The following RAE1 variants were observed in gnomAD, a reference collection of about 807,000 sequenced individuals.
RAE1 encodes the protein mRNA export factor RAE1.
In RAE1, 13 loss-of-function variants were observed where a neutral mutation model predicts 52.7. The ratio of observed to expected loss-of-function variants is 0.25; its 90% confidence interval spans 0.16 to 0.39. The LOEUF (loss-of-function observed/expected upper bound fraction) is 0.39, where lower values mean the gene tolerates loss of function less well. RAE1 is among the 10% of genes least tolerant of loss of function. The probability of loss-of-function intolerance (pLI) is 1.00; values close to 1 mark genes in which losing one functional copy is unlikely to be tolerated. For missense variants in RAE1, 262 were observed against 459.8 expected, an observed-to-expected ratio of 0.57 and a Z score of 3.93; for synonymous variants, 164 against 153.1, an observed-to-expected ratio of 1.07 and a Z score of -0.52.
chr20:57,362,567 T>C (rs1215207151), intron 4 of RAE1, among the ~76,000 whole-genome samples: 1 of 152,230 alleles, frequency 6.6e-6, no homozygotes, highest in Non-Finnish European at 1.5e-5. Context: ...GCAGGAATCC[T>C]TTTGCTCAAA....
intron 8 of RAE1, 74 bp downstream of exon 8, chr20:57,368,886 A>G (rs1443605759): frequency 1.5e-5 from 18 of 1,233,114 alleles, no homozygotes; most frequent in Non-Finnish European, 2.1e-5. Context: ...CATCTGGAAT[A>G]CAGTTGTACT....
intron 8 of RAE1, chr20:57,373,142 C>G (rs574661331): frequency 7.5e-5 from 24 of 321,790 alleles, no homozygotes; most frequent in Non-Finnish European, 1.2e-4. Context: ...GTCTGCCTAG[C>G]CAGGGACGTC....
At chr20:57,375,096 AG>A in intron 11 of RAE1, 1 of 675,616 alleles carries the variant, frequency 1.5e-6, no homozygotes, top group Non-Finnish European at 2.7e-6. Context: ...CACTTTATGA[AG>A]GGGGTGGCAG....
intron 11 of RAE1, among the ~76,000 whole-genome samples, chr20:57,377,349 A>G (rs1234589214): frequency 2.6e-5 from 4 of 152,124 alleles, no homozygotes; most frequent in Admixed American, 2.6e-4. Flanking sequence ...CTTAAAACTT[A>G]AATGTGATCA....
intron 4 of RAE1, chr20:57,358,185 CG>C (rs2066824938): frequency 6.6e-6 from 1 of 152,052 alleles, no homozygotes; most frequent in Non-Finnish European, 1.5e-5. Flanking sequence ...TGTTAAGGGC[CG>C]CGAGGGTTCT....
chr20:57,361,694 C>T (rs2066894374), intron 4 of RAE1, among the ~76,000 whole-genome samples: 1 of 152,184 alleles, frequency 6.6e-6, no homozygotes, highest in Non-Finnish European at 1.5e-5. Flanking sequence ...CATGCTGAGT[C>T]ACAGCATCCC....
At chr20:57,373,775 T>A (rs1165647740) in intron 10 of RAE1, 37 bp downstream of exon 10, 3 of 1,582,616 alleles carry the variant, frequency 1.9e-6, no homozygotes, top group Non-Finnish European at 2.6e-6. Flanking sequence ...GTAATACATC[T>A]GGAAACCAGA....
In RAE1 at chr20:57,372,060, T is replaced by C. The variant is rs1310675786; in HGVS notation, c.643-1415T>C. 10 of 151,626 alleles carry C rather than the reference T, an allele frequency of 6.6e-5. No individual in the cohort carries two copies. The East Asian group carries it at 1.5e-3, about 23-fold the overall frequency. 9.4% of individuals were successfully genotyped at this position (151,626 alleles called of 1,614,324 possible). A position where few individuals can be genotyped will look rare whatever the true frequency, so the allele number is the denominator to read the frequency against. The stretch of plus-strand genomic sequence containing the variant: ...ACTTAATCAATGGGATGAAATTTCA[T>C]TAAACAAGATGAGAATGTTCTAGAG... On this transcript the variant is annotated intron_variant, in intron 8 of 11. Transcript: ENST00000395841.
rs754518697 is a variant in RAE1 at position 57,356,505 on chromosome 20, C to T, written c.255C>T (p.His85=). 3 of 1,613,396 alleles carry T rather than the reference C, an allele frequency of 1.9e-6. No individual in the cohort carries two copies. The highest frequency in any genetic ancestry group is 2.2e-5 in the South Asian group (2 of 90,946). ...CCATTCCAAAAGCCCAGCAGATGCACACTGGGCCTGTGCTTGATGTCTGCT... is the reference window on the plus strand; with the variant it reads ...CCATTCCAAAAGCCCAGCAGATGCATACTGGGCCTGTGCTTGATGTCTGCT... The part of the protein sequence containing the change: ...GQTIPKAQQM[H]TGPVLDVCWS... The change falls in exon 4 of 12, where the codon CAC becomes CAT. Residue 85 remains histidine (H), a synonymous_variant. Coordinates refer to ENST00000395841, the MANE Select transcript of RAE1 (RefSeq NM_003610.4).
chr20:57,367,138 C>T (rs927678400), intron 7 of RAE1, 59 bp downstream of exon 7: 59 of 1,392,324 alleles, frequency 4.2e-5, no homozygotes, highest in African/African-American at 1.5e-5. Flanking sequence ...TAAGTATTCT[C>T]ACCTTGTGGC....
chr20:57,362,678 G>A (rs192284830), intron 4 of RAE1, among the ~76,000 whole-genome samples: 3 of 152,310 alleles, frequency 2.0e-5, no homozygotes, highest in Non-Finnish European at 4.4e-5. Context: ...GTTCTGACGG[G>A]GAGGCAGGAT....
rs749105369 is a variant in RAE1 at position 57,378,372 on chromosome 20, C to T, written c.*273C>T. The T allele has an allele frequency of 9.8e-5, 40 of 408,378 alleles. No homozygotes were observed. Among genetic ancestry groups the T allele is most frequent in the Admixed American group, 3.5e-4 (9 of 25,494 alleles). The allele number at this position is 408,378 out of a possible 1,614,324, so 25.3% of individuals were successfully genotyped here. A position where few individuals can be genotyped will look rare whatever the true frequency, so the allele number is the denominator to read the frequency against. The stretch of plus-strand genomic sequence containing the variant: ...GCGGGCACCGCCAGGGATTTTGCAG[C>T]GCTTCAGTGTACGTGTTAGAGAATA... On this transcript the variant is annotated 3_prime_UTR_variant, in exon 12 of 12. Coordinates refer to ENST00000395841, the MANE Select transcript of RAE1 (RefSeq NM_003610.4).
intron 8 of RAE1, 78 bp downstream of exon 8, chr20:57,368,890 T>A: frequency 3.4e-6 from 4 of 1,179,886 alleles, no homozygotes; most frequent in African/African-American, 1.5e-5. Context: ...TGGAATACAG[T>A]TGTACTTTGT....
At chr20:57,365,232 A>T in intron 4 of RAE1, 124 bp from the exon 5 acceptor site, 1 of 621,412 alleles carries the variant, frequency 1.6e-6, no homozygotes, top group East Asian at 3.1e-5. Flanking sequence ...ACTGGTCCCC[A>T]AACAATTGGA....
chr20:57,356,589 A>T, intron 4 of RAE1, 51 bp downstream of exon 4: 1 of 1,444,398 alleles, frequency 6.9e-7, no homozygotes, highest in Non-Finnish European at 9.6e-7. Flanking sequence ...GTACAGAATG[A>T]TTTAGAATAT....
At chr20:57,375,264 A>G (rs1250734650) in intron 11 of RAE1, among the ~76,000 whole-genome samples, 1 of 147,242 alleles carries the variant, frequency 6.8e-6, no homozygotes, top group Admixed American at 6.7e-5. Flanking sequence ...GCCCAACCCC[A>G]TGGGAAGTGT....
intron 7 of RAE1, 116 bp from the exon 8 acceptor site, chr20:57,368,589 C>T (rs2066990622): frequency 1.7e-6 from 1 of 604,800 alleles, no homozygotes; most frequent in African/African-American, 1.8e-5. Context: ...AAATATAATC[C>T]CAGGATTATT....
intron 8 of RAE1, among the ~76,000 whole-genome samples, chr20:57,370,019 G>C (rs1159877047): frequency 6.6e-6 from 1 of 152,118 alleles, no homozygotes; most frequent in Non-Finnish European, 1.5e-5. Context: ...CGTCTCTCCT[G>C]CCGCGTAGTA....
At chr20:57,360,411 CA>C (rs1400090524) in intron 4 of RAE1, among the ~76,000 whole-genome samples, 2 of 152,238 alleles carry the variant, frequency 1.3e-5, no homozygotes, top group East Asian at 3.9e-4. Flanking sequence ...GCATATAGGC[CA>C]GGGGCAAGAG....
Sources: allele counts gnomAD v4.1 joint callset (sites outside exome capture counted in the v4.1 genomes callset), GRCh38; gene constraint gnomAD v4.1.1; transcripts MANE v1.5; gene names NCBI Gene and HGNC (gene_info 2026-07-23, HGNC 2026-07-21).